Variants in DLG2 observed in about 807,000 individuals in gnomAD.
The protein encoded by DLG2 is disks large homolog 2.
Under a neutral mutation model 132.5 loss-of-function variants are expected in DLG2, and 45 were observed. The ratio of observed to expected loss-of-function variants is 0.34; its 90% confidence interval spans 0.27 to 0.44. The LOEUF is 0.44. Ranked by LOEUF, DLG2 falls within the 20% of genes least tolerant of loss-of-function variation. The pLI is 1.00. For missense variants in DLG2, 1,045 were observed against 1,196.9 expected, an observed-to-expected ratio of 0.87 and a Z score of 1.87; for synonymous variants, 424 against 419.6, an observed-to-expected ratio of 1.01 and a Z score of -0.13.
intron 7 of DLG2, among the ~76,000 whole-genome samples, chr11:84,259,048 G>A (rs151292943): frequency 1.4e-4 from 22 of 152,304 alleles, no homozygotes; most frequent in Non-Finnish European, 2.8e-4. Flanking sequence ...AAGCCAGGCA[G>A]ATCACTTGAA....
chr11:85,453,145 A>G, intron 3 of DLG2: 1 of 277,302 alleles, frequency 3.6e-6, no homozygotes, highest in Non-Finnish European at 7.2e-6. Flanking sequence ...CTTCATGGTG[A>G]GAATATTTCT....
At chr11:84,754,918 C>T (rs1311849840) in intron 6 of DLG2, among the ~76,000 whole-genome samples, 2 of 152,006 alleles carry the variant, frequency 1.3e-5, no homozygotes, top group African/African-American at 4.8e-5. Context: ...TCTGTAACTT[C>T]CTCTTAGTTT....
At chr11:84,716,914 T>TA (rs946240277) in intron 6 of DLG2, among the ~76,000 whole-genome samples, 3 of 152,046 alleles carry the variant, frequency 2.0e-5, no homozygotes, top group African/African-American at 7.2e-5. Flanking sequence ...TTTGTATCTC[T>TA]AATGCCCATC....
chr11:85,607,719 C>A (rs2080681302), intron 2 of DLG2, among the ~76,000 whole-genome samples: 1 of 152,176 alleles, frequency 6.6e-6, no homozygotes, highest in African/African-American at 2.4e-5. Context: ...GACAAGCAGG[C>A]CTAATAAAGG....
At chr11:84,734,405 G>C (rs2063554814) in intron 6 of DLG2, among the ~76,000 whole-genome samples, 1 of 152,130 alleles carries the variant, frequency 6.6e-6, no homozygotes. Flanking sequence ...AAGCAATTGT[G>C]AATGGAGTTC....
intron 3 of DLG2, among the ~76,000 whole-genome samples, chr11:85,589,283 C>T (rs997416539): frequency 1.3e-5 from 2 of 152,134 alleles, no homozygotes; most frequent in Non-Finnish European, 2.9e-5. Context: ...GTTGCTGCAA[C>T]GTCCTGAGTT....
At chr11:84,052,410 CT>C (rs2096406554) in intron 11 of DLG2, among the ~76,000 whole-genome samples, 1 of 151,676 alleles carries the variant, frequency 6.6e-6, no homozygotes, top group Admixed American at 6.6e-5. Context: ...TATTCTAGTG[CT>C]TTTAAAGGAC....
chr11:84,766,084 C>T (rs761555216), intron 6 of DLG2, among the ~76,000 whole-genome samples: 3 of 151,992 alleles, frequency 2.0e-5, no homozygotes, highest in Non-Finnish European at 2.9e-5. Context: ...TCCGTAGCGG[C>T]CTTTGCATCA....
At chr11:83,753,893 C>CG (rs2093527759) in intron 18 of DLG2, among the ~76,000 whole-genome samples, 1 of 52,812 alleles carries the variant, frequency 1.9e-5, no homozygotes, top group African/African-American at 7.7e-5. Flanking sequence ...TCATATATAT[C>CG]ATATATATAT....
At chr11:83,589,650 T>A (rs1430937436) in intron 19 of DLG2, among the ~76,000 whole-genome samples, 7 of 147,274 alleles carry the variant, frequency 4.8e-5, no homozygotes, top group African/African-American at 1.8e-4. Context: ...ATATTAACTT[T>A]AAATGTAAAT....
intron 6 of DLG2, among the ~76,000 whole-genome samples, chr11:84,836,398 C>T (rs12281095): frequency 0.14 from 20,505 of 151,636 alleles, 1,481 homozygotes; most frequent in Middle Eastern, 0.18. Flanking sequence ...GGAATAGTAT[C>T]CAGTGCTCAT....
chr11:84,163,527 A>C lies in DLG2; in HGVS notation c.574-16T>G. On this transcript the variant is annotated splice_polypyrimidine_tract_variant and intron_variant, in intron 8 of 27. Coordinates refer to ENST00000376104, the MANE Select transcript of DLG2 (RefSeq NM_001142699.3). Reference sequence around the variant, plus strand: ...TCCCATTGACCTGTAAATAGGGAAAAAATAAGAAGAGAACTATTAAATACA... The same window carrying C: ...TCCCATTGACCTGTAAATAGGGAAACAATAAGAAGAGAACTATTAAATACA... 6.3e-7 allele frequency: 1 copy of C among 1,590,894 alleles called. No homozygotes were observed.
At chr11:84,310,453 G>A (rs1454411387) in intron 7 of DLG2, among the ~76,000 whole-genome samples, 1 of 152,176 alleles carries the variant, frequency 6.6e-6, no homozygotes, top group Non-Finnish European at 1.5e-5. Context: ...TGGTGATTAT[G>A]CAATAAATAT....
intron 6 of DLG2, among the ~76,000 whole-genome samples, chr11:84,785,242 GCTTT>G (rs2072662306): frequency 6.6e-6 from 1 of 151,718 alleles, no homozygotes; most frequent in Admixed American, 6.6e-5. Flanking sequence ...TTAAAAATAT[GCTTT>G]TTTTAAATAA....
intron 6 of DLG2, among the ~76,000 whole-genome samples, chr11:84,827,948 T>G (rs1019459066): frequency 6.6e-6 from 1 of 151,798 alleles, no homozygotes; most frequent in East Asian, 2.0e-4. Flanking sequence ...GCATAGGTTT[T>G]TATTTTACTA....
At chr11:83,485,396 TTTCATA>T (rs1435916343) in intron 21 of DLG2, among the ~76,000 whole-genome samples, 8 of 152,174 alleles carry the variant, frequency 5.3e-5, no homozygotes, top group Non-Finnish European at 1.5e-5. Context: ...GTCTTACTAA[TTTCATA>T]TTCATATATC....
intron 3 of DLG2, among the ~76,000 whole-genome samples, chr11:85,310,640 C>CT (rs1344063166): frequency 6.6e-6 from 1 of 152,188 alleles, no homozygotes; most frequent in African/African-American, 2.4e-5. Context: ...GCTGTCCTCC[C>CT]TGTTGCTAAT....
intron 3 of DLG2, among the ~76,000 whole-genome samples, chr11:85,470,845 C>G (rs1444521086): frequency 3.9e-5 from 6 of 152,192 alleles, no homozygotes; most frequent in Non-Finnish European, 8.8e-5. Context: ...ACAGAATAGA[C>G]AGTGAGAGGA....
At chr11:85,153,229 A>T (rs910678626) in intron 5 of DLG2, among the ~76,000 whole-genome samples, 2 of 152,132 alleles carry the variant, frequency 1.3e-5, no homozygotes, top group Admixed American at 6.6e-5. Context: ...CTGACTTTGG[A>T]TCTTTTGTTC....
Sources: gnomAD v4.1 joint callset for allele counts (sites outside exome capture counted in the v4.1 genomes callset) on GRCh38, gnomAD v4.1.1 for gene constraint, MANE v1.5 for transcripts, NCBI Gene and HGNC (gene_info 2026-07-23, HGNC 2026-07-21) for gene names.